Variants in ITGA9 observed in about 807,000 individuals in gnomAD.
ITGA9 encodes the protein integrin subunit alpha 9, also known as integrin alpha-9.
Under a neutral mutation model 127.8 loss-of-function variants are expected in ITGA9, and 56 were observed. The ratio of observed to expected loss-of-function variants is 0.44; its 90% CI spans 0.35 to 0.55. The LOEUF is 0.55. Ranked by LOEUF, ITGA9 falls within the 20% of genes least tolerant of loss-of-function variation. The pLI, the probability that ITGA9 is intolerant of heterozygous loss-of-function variation, is 0.00. For missense variants in ITGA9, 1,196 were observed against 1,347.1 expected, an observed-to-expected ratio of 0.89 and a Z score of 1.76; for synonymous variants, 508 against 514.5, an observed-to-expected ratio of 0.99 and a Z score of 0.17.
At chr3:37,555,559 G>A (rs1345699233) in intron 15 of ITGA9, among the ~76,000 whole-genome samples, 1 of 152,220 alleles carries the variant, frequency 6.6e-6, no homozygotes, top group Non-Finnish European at 1.5e-5. Flanking sequence ...GACAGACACT[G>A]GACAGACAAC....
intron 16 of ITGA9, among the ~76,000 whole-genome samples, chr3:37,641,710 T>C (rs1271174454): frequency 6.6e-6 from 1 of 152,116 alleles, no homozygotes; most frequent in African/African-American, 2.4e-5. Context: ...CACGAGAGCC[T>C]GTACAGTGGG....
At chr3:37,656,842 CT>C (rs957537180) in intron 17 of ITGA9, among the ~76,000 whole-genome samples, 25 of 95,306 alleles carry the variant, frequency 2.6e-4, no homozygotes, top group East Asian at 2.4e-3. Flanking sequence ...ATAAACAGCT[CT>C]TTTTTTTTGA....
At chr3:37,471,166 G>A (rs1698427378) in intron 2 of ITGA9, 32 bp downstream of exon 2, 6 of 1,612,576 alleles carry the variant, frequency 3.7e-6, no homozygotes, top group Admixed American at 1.7e-5. Flanking sequence ...GGTGGAAATG[G>A]GTTCTGTACC....
At chr3:37,794,520 A>C (rs1221387567) in intron 26 of ITGA9, among the ~76,000 whole-genome samples, 5 of 152,194 alleles carry the variant, frequency 3.3e-5, no homozygotes, top group Non-Finnish European at 5.9e-5. Flanking sequence ...CCTGGTCCTT[A>C]ACTAGATGCA....
At chr3:37,554,894 A>G (rs1358842359) in intron 15 of ITGA9, among the ~76,000 whole-genome samples, 2 of 152,154 alleles carry the variant, frequency 1.3e-5, no homozygotes, top group Non-Finnish European at 2.9e-5. Flanking sequence ...TTAAGTGTGT[A>G]TGCGTATGTA....
At chr3:37,635,040 A>G (rs1178794384) in intron 16 of ITGA9, among the ~76,000 whole-genome samples, 1 of 152,226 alleles carries the variant, frequency 6.6e-6, no homozygotes, top group Non-Finnish European at 1.5e-5. Context: ...AGAATTTCTT[A>G]AGACAAATGA....
intron 1 of ITGA9, among the ~76,000 whole-genome samples, chr3:37,454,715 A>T (rs1420474928): frequency 6.6e-6 from 1 of 151,840 alleles, no homozygotes; most frequent in Non-Finnish European, 1.5e-5. Context: ...TATTGACTTA[A>T]TTTTTTCTTA....
At chr3:37,803,579 G>A (rs1371846701) in intron 26 of ITGA9, among the ~76,000 whole-genome samples, 1 of 152,180 alleles carries the variant, frequency 6.6e-6, no homozygotes, top group Non-Finnish European at 1.5e-5. Flanking sequence ...GAGGTCAGGA[G>A]TTCGAGACCA....
At position 37,481,481 on chromosome 3, in the gene ITGA9, T is replaced by C; in HGVS notation, c.421-3T>C. 6.2e-7 allele frequency: 1 copy of C among 1,614,206 alleles called. No individual in the cohort carries two copies. Among genetic ancestry groups the C allele is most frequent in the Non-Finnish European group, 8.5e-7 (1 of 1,180,038 alleles). ...TGCTCTCAACTGCTCTCTATCCCTTTAGGCCTGTGCTCATCGCTGGAAGAA... is the reference window on the plus strand; with the variant it reads ...TGCTCTCAACTGCTCTCTATCCCTTCAGGCCTGTGCTCATCGCTGGAAGAA... On this transcript the variant is annotated splice_polypyrimidine_tract_variant and splice_region_variant and intron_variant, in intron 3 of 27. Transcript: ENST00000264741.
At chr3:37,506,336 G>A (rs1256545788) in intron 7 of ITGA9, among the ~76,000 whole-genome samples, 1 of 151,684 alleles carries the variant, frequency 6.6e-6, no homozygotes, top group Admixed American at 6.6e-5. Context: ...AGCTGACCAT[G>A]TGTGTGTGTG....
chr3:37,816,940 T>G (rs1402157006), intron 27 of ITGA9, among the ~76,000 whole-genome samples: 1 of 152,198 alleles, frequency 6.6e-6, no homozygotes, highest in Non-Finnish European at 1.5e-5. Context: ...AGGATCTCCT[T>G]GGCAACGTGG....
rs1248940749 is a variant in ITGA9, at chr3:37,538,384, G to C, written c.1529-4041G>C. 2.0e-5 allele frequency among the ~76,000 whole-genome samples: 3 copies of C among 152,246 alleles called. 1 individual carries two copies. In the Middle Eastern group the frequency reaches 9.5e-3, roughly 482 times the overall value. On this transcript the variant is annotated intron_variant, in intron 14 of 27. Coordinates refer to ENST00000264741, the MANE Select transcript of ITGA9 (RefSeq NM_002207.3). ...GGGCAGGGCAGGGAGGTGGCTGAAA[G>C]TATTACTCGGGGCTGATCAGCTTTT...
At chr3:37,483,496 G>A (rs1579055745) in intron 4 of ITGA9, among the ~76,000 whole-genome samples, 1 of 152,200 alleles carries the variant, frequency 6.6e-6, no homozygotes, top group Non-Finnish European at 1.5e-5. Flanking sequence ...GAGGCAGGGG[G>A]AAGTAAGAAT....
chr3:37,730,350 A>G (rs1193240401), intron 18 of ITGA9, among the ~76,000 whole-genome samples: 3 of 152,186 alleles, frequency 2.0e-5, no homozygotes, highest in Non-Finnish European at 4.4e-5. Context: ...TCTACTTGGG[A>G]CAGTTGTGGG....
intron 18 of ITGA9, among the ~76,000 whole-genome samples, chr3:37,693,434 C>T (rs188052847): frequency 1.3e-5 from 2 of 152,218 alleles, no homozygotes; most frequent in East Asian, 1.9e-4. Flanking sequence ...CAGAAGGCAT[C>T]GAGGGCTTGT....
chr3:37,612,501 C>T lies in ITGA9; in HGVS notation c.1690-16686C>T, dbSNP rs6786139. Among the ~76,000 whole-genome samples the T allele has an allele frequency of 1.8e-3, 269 of 152,238 alleles. 1 individual carries two copies. Among genetic ancestry groups the T allele is most frequent in the African/African-American group, 6.2e-3 (258 of 41,538 alleles). ...CTCAGATTTCTATCGACGGTAGAGTCACAGGTCTTTCTAATACTTTTGTGG... is the reference window on the plus strand; with the variant it reads ...CTCAGATTTCTATCGACGGTAGAGTTACAGGTCTTTCTAATACTTTTGTGG... On this transcript the variant is annotated intron_variant, in intron 15 of 27. Transcript: ENST00000264741.
At chr3:37,547,922 C>T (rs1220845305) in intron 15 of ITGA9, among the ~76,000 whole-genome samples, 3 of 152,186 alleles carry the variant, frequency 2.0e-5, no homozygotes, top group African/African-American at 7.2e-5. Flanking sequence ...ATTTTCTTAA[C>T]GTGTCTTTCA....
intron 15 of ITGA9, among the ~76,000 whole-genome samples, chr3:37,559,164 A>C (rs375732298): frequency 1.2e-4 from 18 of 152,298 alleles, no homozygotes; most frequent in African/African-American, 4.1e-4. Context: ...GTCCATTTCT[A>C]AGGATGAGTA....
intron 23 of ITGA9, among the ~76,000 whole-genome samples, chr3:37,773,399 G>A (rs139089299): frequency 1.8e-4 from 27 of 152,298 alleles, no homozygotes; most frequent in African/African-American, 6.3e-4. Context: ...AGACAGACAG[G>A]GAATTTGGAG....
Sources: allele counts gnomAD v4.1 joint callset (sites outside exome capture counted in the v4.1 genomes callset), GRCh38; gene constraint gnomAD v4.1.1; transcripts MANE v1.5; gene names NCBI Gene and HGNC (gene_info 2026-07-23, HGNC 2026-07-21).